Variants in CDS2 observed in about 807,000 individuals in gnomAD.
The protein encoded by CDS2 is CDP-diacylglycerol synthase 2, also known as phosphatidate cytidylyltransferase 2.
In CDS2, 47 loss-of-function variants were observed where a neutral mutation model predicts 59.0. The ratio of observed to expected loss-of-function variants is 0.80; its 90% CI spans 0.63 to 1.02. CDS2 has a LOEUF of 1.02. Ranked by LOEUF, CDS2 falls within the 50% of genes least tolerant of loss-of-function variation. CDS2 has a pLI of 0.00. For synonymous variants in CDS2, 207 were observed against 206.4 expected, an observed-to-expected ratio of 1.00 and a Z score of -0.02; for missense variants, 356 against 558.9, an observed-to-expected ratio of 0.64 and a Z score of 3.66.
At chr20:5,178,716 G>C in intron 4 of CDS2, 101 bp from the exon 5 acceptor site, 1 of 1,205,350 alleles carries the variant, frequency 8.3e-7, no homozygotes, top group South Asian at 1.3e-5. Context: ...TCAAGGGTGG[G>C]GGGTATTCTG....
At chr20:5,169,595 ATGG>A (rs2090939983) in intron 1 of CDS2, among the ~76,000 whole-genome samples, 1 of 152,214 alleles carries the variant, frequency 6.6e-6, no homozygotes. Flanking sequence ...TGACATGTAT[ATGG>A]TGTTTTTACC....
At chr20:5,163,141 C>T (rs893479827) in intron 1 of CDS2, among the ~76,000 whole-genome samples, 3 of 152,282 alleles carry the variant, frequency 2.0e-5, no homozygotes, top group Non-Finnish European at 2.9e-5. Flanking sequence ...GCCAGAAGTT[C>T]GAGACCAGCC....
At chr20:5,186,946 A>C in intron 10 of CDS2, 107 bp downstream of exon 10, 6 of 1,239,716 alleles carry the variant, frequency 4.8e-6, no homozygotes, top group Non-Finnish European at 6.9e-6. Context: ...CTCCTTCCCA[A>C]AGCTGTAAGC....
chr20:5,138,402 T>C (rs1055277951), intron 1 of CDS2, among the ~76,000 whole-genome samples: 1 of 152,220 alleles, frequency 6.6e-6, no homozygotes. Context: ...ATGAGTTGAC[T>C]GTAAATGCAT....
intron 10 of CDS2, chr20:5,187,509 A>G (rs1402681097): frequency 6.6e-6 from 1 of 152,244 alleles, no homozygotes; most frequent in Non-Finnish European, 1.5e-5. Flanking sequence ...GAAAGAACCA[A>G]CAAATTATAA....
At chr20:5,178,170 A>G (rs770510338) in intron 4 of CDS2, among the ~76,000 whole-genome samples, 10 of 152,216 alleles carry the variant, frequency 6.6e-5, no homozygotes, top group Admixed American at 3.3e-4. Flanking sequence ...ACAAGTGAAG[A>G]GTTAACGCTA....
chr20:5,164,080 G>A (rs544920330), intron 1 of CDS2, among the ~76,000 whole-genome samples: 2 of 152,106 alleles, frequency 1.3e-5, no homozygotes, highest in East Asian at 1.9e-4. Flanking sequence ...ACGAGCCACC[G>A]CACCCACCCC....
chr20:5,173,939 G>C (rs1277010182), intron 2 of CDS2, among the ~76,000 whole-genome samples: 1 of 152,232 alleles, frequency 6.6e-6, no homozygotes, highest in South Asian at 2.1e-4. Context: ...AGGAAGAGGG[G>C]ACAGGAGGGA....
At chr20:5,188,278 C>G (rs2091085384) in intron 10 of CDS2, among the ~76,000 whole-genome samples, 1 of 152,118 alleles carries the variant, frequency 6.6e-6, no homozygotes, top group Admixed American at 6.6e-5. Flanking sequence ...GAACAAAGTC[C>G]ATTGATAGAA....
chr20:5,179,256 G>A (rs1456024483), intron 5 of CDS2, among the ~76,000 whole-genome samples: 1 of 152,022 alleles, frequency 6.6e-6, no homozygotes, highest in African/African-American at 2.4e-5. Context: ...GAAGTAGCTG[G>A]GACTACAGGT....
rs529439663 is a variant in CDS2, at chr20:5,127,032, A to AGCTGCCTGCTCCGGCGGCTTC, written c.-55_-35dup. On this transcript the variant is annotated 5_prime_UTR_variant, in exon 1 of 13. Transcript: ENST00000460006. ...TGGGAGTCCGCGCGTGCCCGCGCCGAGCTGCCTGCTCCGGCGGCTTCGCTG... is the reference window on the plus strand; with the variant it reads ...TGGGAGTCCGCGCGTGCCCGCGCCGAGCTGCCTGCTCCGGCGGCTTCGCTGCCTGCTCCGGCGGCTTCGCTG... 1,602 of 1,451,326 alleles carry AGCTGCCTGCTCCGGCGGCTTC rather than the reference A, an allele frequency of 1.1e-3. 18 individuals are homozygous for AGCTGCCTGCTCCGGCGGCTTC. Among genetic ancestry groups the AGCTGCCTGCTCCGGCGGCTTC allele is most frequent in the African/African-American group, 0.01 (689 of 67,390 alleles). The allele number at this position is 1,451,326 out of a possible 1,614,324, so 89.9% of individuals were successfully genotyped here. A position where few individuals can be genotyped will look rare whatever the true frequency, so the allele number is the denominator to read the frequency against.
intron 1 of CDS2, among the ~76,000 whole-genome samples, chr20:5,165,652 G>A (rs1425877647): frequency 1.3e-5 from 2 of 152,100 alleles, no homozygotes; most frequent in African/African-American, 2.4e-5. Context: ...AGGCTTAGGC[G>A]ATCCTCCCAC....
intron 1 of CDS2, among the ~76,000 whole-genome samples, chr20:5,151,987 C>T (rs1211670102): frequency 6.7e-6 from 1 of 149,942 alleles, no homozygotes; most frequent in Admixed American, 6.6e-5. Flanking sequence ...CAGTCTTGAA[C>T]TCCCGACCTC....
At position 5,189,764 on chromosome 20, in the gene CDS2, A is replaced by C. The variant is rs1487187470; in HGVS notation, c.1131A>C (p.Gly377=). 6.2e-7 allele frequency: 1 copy of C among 1,614,022 alleles called. No individual in the cohort carries two copies. The highest frequency in any genetic ancestry group is 1.7e-5 in the Admixed American group (1 of 60,012). Residue 377 remains glycine (G), a synonymous_variant, in exon 12 of 13, where the codon GGA becomes GGC. Coordinates refer to ENST00000460006, the MANE Select transcript of CDS2 (RefSeq NM_003818.4). ...TTGCCAATACCATTCCTGGCCATGGAGGCATCATGGATCGCTTTGACTGCC... is the reference window on the plus strand; with the variant it reads ...TTGCCAATACCATTCCTGGCCATGGCGGCATCATGGATCGCTTTGACTGCC... ...KDFANTIPGH[G]GIMDRFDCQY... is the part of the protein sequence containing the mutation.
intron 2 of CDS2, among the ~76,000 whole-genome samples, chr20:5,174,488 G>A (rs1374248289): frequency 2.0e-5 from 3 of 152,174 alleles, no homozygotes; most frequent in African/African-American, 7.2e-5. Context: ...TGTAATTCCA[G>A]CACTTTGGGA....
chr20:5,164,191 TAC>T (rs2090897040), intron 1 of CDS2, among the ~76,000 whole-genome samples: 1 of 152,146 alleles, frequency 6.6e-6, no homozygotes, highest in Non-Finnish European at 1.5e-5. Context: ...CTTGAATAGT[TAC>T]AGTCTATTTG....
intron 1 of CDS2, among the ~76,000 whole-genome samples, chr20:5,148,717 C>T (rs1015169939): frequency 2.6e-5 from 4 of 152,214 alleles, no homozygotes; most frequent in African/African-American, 9.7e-5. Flanking sequence ...ATGCGGTTTG[C>T]ACCGTGGTTG....
chr20:5,167,786 T>G (rs1326854796), intron 1 of CDS2, among the ~76,000 whole-genome samples: 1 of 152,190 alleles, frequency 6.6e-6, no homozygotes, highest in African/African-American at 2.4e-5. Flanking sequence ...AAGTTAGGCT[T>G]AGACTAATGA....
At chr20:5,132,696 G>A (rs1182223832) in intron 1 of CDS2, among the ~76,000 whole-genome samples, 3 of 152,078 alleles carry the variant, frequency 2.0e-5, no homozygotes, top group African/African-American at 7.2e-5. Flanking sequence ...GAGAGGAGGT[G>A]AAAGATTATT....
Sources: allele counts gnomAD v4.1 joint callset (sites outside exome capture counted in the v4.1 genomes callset), GRCh38; gene constraint gnomAD v4.1.1; transcripts MANE v1.5; gene names NCBI Gene and HGNC (gene_info 2026-07-23, HGNC 2026-07-21).